The following ZNF814 variants were observed in gnomAD, a reference collection of about 807,000 sequenced individuals.
ZNF814 encodes the protein zinc finger protein 814.
A neutral mutation model predicts 7.5 loss-of-function variants in ZNF814; 5 were observed. That is an observed-to-expected ratio of 0.67 (90% CI 0.35 to 1.40). ZNF814 has a LOEUF of 1.40. ZNF814 is among the 40% of genes most tolerant of loss of function. The pLI is 0.04. For synonymous variants in ZNF814, 315 were observed against 340.7 expected, an observed-to-expected ratio of 0.92 and a Z score of 0.83; for missense variants, 962 against 1,018.0, an observed-to-expected ratio of 0.94 and a Z score of 0.75.
Position 57,889,020 on chromosome 19 carries a change from T to A in ZNF814, c.-218A>T, listed in dbSNP as rs189839376. On this transcript the variant is annotated 5_prime_UTR_variant, in exon 1 of 3. Transcript: ENST00000435989. ...CTCAGGAGCCTCTCCTACAAATAAA[T>A]CCAACACCAATCAAAATGGCCGCCA... The A allele has an allele frequency of 6.2e-3, 3,431 of 554,438 alleles. 19 individuals are homozygous for A. The highest frequency in any genetic ancestry group is 0.011 in the Middle Eastern group (22 of 2,072). 34.3% of individuals were successfully genotyped at this position (554,438 alleles called of 1,614,324 possible). A position where few individuals can be genotyped will look rare whatever the true frequency, so the allele number is the denominator to read the frequency against.
At chr19:57,884,167 C>G (rs999744646) in intron 1 of ZNF814, among the ~76,000 whole-genome samples, 1 of 152,122 alleles carries the variant, frequency 6.6e-6, no homozygotes, top group African/African-American at 2.4e-5. Context: ...AAACAATCAA[C>G]AAAGTGAAGA....
chr19:57,878,552 T>C (rs537276873), intron 1 of ZNF814, among the ~76,000 whole-genome samples: 55 of 150,496 alleles, frequency 3.7e-4, no homozygotes, highest in African/African-American at 1.3e-3. Context: ...CTCCGCCTCC[T>C]GGGTTCAAGC....
chr19:57,878,290 C>T (rs1600137717), intron 1 of ZNF814, among the ~76,000 whole-genome samples: 1 of 151,398 alleles, frequency 6.6e-6, no homozygotes, highest in South Asian at 2.1e-4. Context: ...CCATGGCATG[C>T]AAGCTTTGTA....
upstream of ZNF814, among the ~76,000 whole-genome samples, chr19:57,892,396 G>A (rs185053858): frequency 5.6e-4 from 85 of 152,290 alleles, no homozygotes; most frequent in Non-Finnish European, 5.4e-4. Context: ...CTGGTTAAAG[G>A]CTCCTCTCAA....
the ZNF814 span, among the ~76,000 whole-genome samples, chr19:57,900,829 C>A: frequency 5.7e-4 from 62 of 108,488 alleles, no homozygotes; most frequent in African/African-American, 1.7e-3. Context: ...TGCAGCAAAG[C>A]CATGGCTGCA....
At chr19:57,876,144 G>A (rs1432491238) in intron 2 of ZNF814, among the ~76,000 whole-genome samples, 2 of 151,764 alleles carry the variant, frequency 1.3e-5, no homozygotes, top group Admixed American at 6.6e-5. Flanking sequence ...TTTTAGTAGA[G>A]ACAGGGTTTC....
chr19:57,878,119 T>A (rs1191913572), intron 1 of ZNF814, among the ~76,000 whole-genome samples: 1 of 147,434 alleles, frequency 6.8e-6, no homozygotes, highest in South Asian at 2.2e-4. Context: ...TGAGCCGAGA[T>A]TGCGCCGTTG....
chr19:57,899,872 C>T, the ZNF814 span, among the ~76,000 whole-genome samples: 3 of 152,260 alleles, frequency 2.0e-5, no homozygotes, highest in South Asian at 2.1e-4. Context: ...AGCAAGGCTG[C>T]ACACAACAAA....
chr19:57,892,950 A>G (rs748160827), upstream of ZNF814, among the ~76,000 whole-genome samples: 4 of 152,230 alleles, frequency 2.6e-5, no homozygotes, highest in Non-Finnish European at 5.9e-5. Flanking sequence ...CTTGCCTGTT[A>G]GATATTCCAG....
intron 1 of ZNF814, among the ~76,000 whole-genome samples, chr19:57,888,092 A>C (rs1304494641): frequency 1.3e-5 from 2 of 152,192 alleles, no homozygotes; most frequent in Non-Finnish European, 1.5e-5. Flanking sequence ...CCGCCAGCTG[A>C]ATAAAGGACT....
chr19:57,874,802 C>T lies in ZNF814; in HGVS notation c.588G>A (p.Lys196=), dbSNP rs745555055. ...ACACACACTCAGTTTTGCTGTTTGA[C>T]TTCTCCCCAGTGTGACTGGCCTCCT... is the stretch of plus-strand genomic sequence containing the variant. ...LQQEASHTGE[K]SNSKTECVSP... Residue 196 remains lysine (K), a synonymous_variant, in exon 3 of 3, where the codon AAG becomes AAA. Transcript: ENST00000435989. The T allele has an allele frequency of 1.2e-6, 2 of 1,614,030 alleles. No homozygotes were observed. The highest frequency in any genetic ancestry group is 2.2e-5 in the East Asian group (1 of 44,900).
At position 57,871,528 on chromosome 19, in the gene ZNF814, G is replaced by A. The variant is rs2071556903; in HGVS notation, c.*1294C>T. ...ACAACAACCCTCAAGATTGAAGAAG[G>A]CTGAAACAATAAGGCCTTCATAATA... is the stretch of plus-strand genomic sequence containing the variant. On this transcript the variant is annotated 3_prime_UTR_variant, in exon 3 of 3. Coordinates refer to ENST00000435989, the MANE Select transcript of ZNF814 (RefSeq NM_001144989.2). 6.6e-6 allele frequency: 1 copy of A among 152,142 alleles called. No homozygotes were observed. Among genetic ancestry groups the A allele is most frequent in the African/African-American group, 2.4e-5 (1 of 41,438 alleles). 9.4% of individuals were successfully genotyped at this position (152,142 alleles called of 1,614,324 possible).
intron 1 of ZNF814, among the ~76,000 whole-genome samples, chr19:57,884,346 C>G (rs2071672199): frequency 6.6e-6 from 1 of 152,190 alleles, no homozygotes; most frequent in African/African-American, 2.4e-5. Flanking sequence ...GGAGCAGTGC[C>G]TCCCAGCTAT....
Position 57,873,907 on chromosome 19 carries a change from C to T in ZNF814, c.1483G>A (p.Gly495Arg). 18 of 1,613,898 alleles carry T rather than the reference C, an allele frequency of 1.1e-5. No individual in the cohort carries two copies. The highest frequency in any genetic ancestry group is 1.5e-5 in the Non-Finnish European group (18 of 1,179,906). ...VHSGERPYQC[G>R]ECGKSFSQKG... is the part of the protein sequence containing the mutation. ...TGACTGAAAGATTTCCCACATTCTC[C>T]ACACTGATAAGGTCTTTCTCCACTG... Residue 495 changes from glycine to arginine, a missense_variant, in exon 3 of 3, where the codon GGA becomes AGA. By Grantham distance (125) the Gly-to-Arg change is moderately radical (BLOSUM62 -2). Transcript: ENST00000435989.
Position 57,870,265 on chromosome 19 carries a change from TA to T in ZNF814, c.*2556del, listed in dbSNP as rs905854748. On this transcript the variant is annotated 3_prime_UTR_variant, in exon 3 of 3. Transcript: ENST00000435989. ...TCTCAAAATAAATAATAATAATAATTAAAAAAATGCAGTTCAAAAGAAAAAT... is the reference window on the plus strand; with the variant it reads ...TCTCAAAATAAATAATAATAATAATTAAAAAATGCAGTTCAAAAGAAAAAT... 4 of 151,966 alleles carry T rather than the reference TA, an allele frequency of 2.6e-5. No homozygotes were observed. The highest frequency in any genetic ancestry group is 1.9e-4 in the East Asian group (1 of 5,192). The allele number at this position is 151,966 out of a possible 1,614,324, so 9.4% of individuals were successfully genotyped here. A position where few individuals can be genotyped will look rare whatever the true frequency, so the allele number is the denominator to read the frequency against.
At chr19:57,901,125 C>T in the ZNF814 span, among the ~76,000 whole-genome samples, 64 of 150,758 alleles carry the variant, frequency 4.2e-4, no homozygotes, top group South Asian at 3.8e-3. Flanking sequence ...CGTGAGCCAC[C>T]GCGCCCAGCA....
intron 1 of ZNF814, among the ~76,000 whole-genome samples, chr19:57,885,536 A>C (rs1227670816): frequency 6.6e-6 from 1 of 151,246 alleles, no homozygotes; most frequent in Non-Finnish European, 1.5e-5. Context: ...AGGCTGAGGC[A>C]GGAGAATCGC....
intron 1 of ZNF814, among the ~76,000 whole-genome samples, chr19:57,882,953 T>C (rs1406156226): frequency 5.3e-5 from 8 of 152,176 alleles, no homozygotes; most frequent in Admixed American, 6.6e-5. Flanking sequence ...CAGAGATACA[T>C]GACCTTTCAG....
chr19:57,873,968 A>G lies in ZNF814; in HGVS notation c.1422T>C (p.Ser474=). 6.2e-7 allele frequency: 1 copy of G among 1,613,902 alleles called. No homozygotes were observed. Among genetic ancestry groups the G allele is most frequent in the Non-Finnish European group, 8.5e-7 (1 of 1,179,984 alleles). The stretch of plus-strand genomic sequence containing the variant: ...GATGGTGAACAAGGCTGCGCTTATG[A>G]CTGAAAGATTTCACACATTCTCCAC... ...FKCGECVKSF[S]HKRSLVHHQR... The change falls in exon 3 of 3, where the codon AGT becomes AGC. Residue 474 remains serine, a synonymous_variant. Transcript: ENST00000435989.
Sources: gnomAD v4.1 joint callset for allele counts (sites outside exome capture counted in the v4.1 genomes callset) on GRCh38, gnomAD v4.1.1 for gene constraint, MANE v1.5 for transcripts, NCBI Gene and HGNC (gene_info 2026-07-23, HGNC 2026-07-21) for gene names.